TRIO: variants seen among roughly 807,000 people sequenced by gnomAD.
TRIO encodes triple functional domain protein.
TRIO carries 58 observed loss-of-function variants against 351.9 expected under a neutral mutation model. The ratio of observed to expected loss-of-function variants is 0.16; its 90% CI spans 0.13 to 0.21. The LOEUF is 0.21. Ranked by LOEUF, TRIO falls within the 10% of genes least tolerant of loss-of-function variation. The pLI, the probability that TRIO is intolerant of heterozygous loss-of-function variation, is 1.00. For missense variants in TRIO, 3,201 were observed against 4,027.8 expected (o/e 0.79, Z 5.56); for synonymous variants, 1,758 against 1,595.7 (o/e 1.10, Z -2.42).
At chr5:14,471,199 T>G (rs1754656349) in intron 37 of TRIO, 119 bp from the exon 38 acceptor site, 2 of 1,307,760 alleles carry the variant, frequency 1.5e-6, no homozygotes, top group Non-Finnish European at 2.0e-6. Flanking sequence ...AAACAAAGAT[T>G]TTATAATTTC....
chr5:14,504,695 G>A, intron 55 of TRIO, 102 bp downstream of exon 55: 1 of 1,423,840 alleles, frequency 7.0e-7, no homozygotes, highest in Non-Finnish European at 9.5e-7. Flanking sequence ...AATTGGGTTT[G>A]TAGAATTTAC....
At position 14,498,111 on chromosome 5, in the gene TRIO, A is replaced by G. The variant is rs978643887; in HGVS notation, c.8070A>G (p.Pro2690=). Residue 2690 remains proline (P), a synonymous_variant, in exon 52 of 57, where the codon CCA becomes CCG. Coordinates refer to ENST00000344204, the MANE Select transcript of TRIO (RefSeq NM_007118.4). ...IYDVPPEFVI[P]LSEVTCETGE... ...CAGTTCCCCCAGAATTCGTCATTCCATTGAGTGAGGTCACGTGTGAGACAG... is the reference window on the plus strand; with the variant it reads ...CAGTTCCCCCAGAATTCGTCATTCCGTTGAGTGAGGTCACGTGTGAGACAG... 4.3e-6 allele frequency: 7 copies of G among 1,614,002 alleles called. No individual in the cohort carries two copies. In the East Asian group the frequency reaches 6.7e-5, roughly 15 times the overall value.
At chr5:14,185,751 C>A (rs376369460) in intron 1 of TRIO, among the ~76,000 whole-genome samples, 2 of 152,322 alleles carry the variant, frequency 1.3e-5, no homozygotes, top group East Asian at 1.9e-4. Context: ...GGGTTGATTT[C>A]TCTCATTTGT....
chr5:14,204,789 T>C (rs1322001376), intron 1 of TRIO, among the ~76,000 whole-genome samples: 1 of 152,208 alleles, frequency 6.6e-6, no homozygotes, highest in Non-Finnish European at 1.5e-5. Flanking sequence ...GGCAAGTGCC[T>C]TCCCCTCTTT....
chr5:14,231,156 C>T (rs1286470274), intron 1 of TRIO, among the ~76,000 whole-genome samples: 2 of 152,186 alleles, frequency 1.3e-5, no homozygotes, highest in Non-Finnish European at 2.9e-5. Flanking sequence ...CTTGTGACCC[C>T]GTTATACTCA....
intron 1 of TRIO, among the ~76,000 whole-genome samples, chr5:14,239,594 G>GGCAGCAC (rs1794005381): frequency 6.6e-6 from 1 of 152,158 alleles, no homozygotes. Context: ...CACTTTACAG[G>GGCAGCAC]TAGGGATTCT....
At chr5:14,502,140 A>T (rs909069600) in intron 53 of TRIO, among the ~76,000 whole-genome samples, 2 of 152,114 alleles carry the variant, frequency 1.3e-5, no homozygotes, top group East Asian at 3.9e-4. Context: ...AGGCGTGGGG[A>T]GGAGAGAGCA....
At chr5:14,423,923 A>AT (rs1750395811) in intron 34 of TRIO, among the ~76,000 whole-genome samples, 1 of 133,590 alleles carries the variant, frequency 7.5e-6, no homozygotes, top group African/African-American at 3.4e-5. Flanking sequence ...GACCCCATGG[A>AT]ATTTTTTTTT....
At chr5:14,228,409 G>C (rs1230051664) in intron 1 of TRIO, among the ~76,000 whole-genome samples, 1 of 152,216 alleles carries the variant, frequency 6.6e-6, no homozygotes, top group East Asian at 1.9e-4. Flanking sequence ...GTGCGTATTA[G>C]GAATCAGAGG....
intron 1 of TRIO, among the ~76,000 whole-genome samples, chr5:14,224,285 T>C (rs1298986613): frequency 1.3e-5 from 2 of 152,112 alleles, no homozygotes; most frequent in Non-Finnish European, 2.9e-5. Flanking sequence ...TGCATTTGTC[T>C]TTTAAAAATA....
chr5:14,446,113 G>C (rs1752419950), intron 34 of TRIO, among the ~76,000 whole-genome samples: 1 of 152,176 alleles, frequency 6.6e-6, no homozygotes, highest in South Asian at 2.1e-4. Context: ...CGCTTGCTTT[G>C]TTCCTGCCTG....
intron 48 of TRIO, 184 bp downstream of exon 48, chr5:14,488,444 G>C: frequency 2.4e-6 from 2 of 821,250 alleles, no homozygotes; most frequent in Non-Finnish European, 3.7e-6. Context: ...ACTACTCCTT[G>C]CTTTGTTCGT....
intron 53 of TRIO, among the ~76,000 whole-genome samples, chr5:14,499,390 G>C (rs1183219680): frequency 2.0e-5 from 3 of 152,250 alleles, no homozygotes; most frequent in African/African-American, 7.2e-5. Context: ...GGTGTGGACT[G>C]TTCTCTGCTG....
chr5:14,176,954 A>T (rs1789442540), intron 1 of TRIO, among the ~76,000 whole-genome samples: 1 of 152,224 alleles, frequency 6.6e-6, no homozygotes, highest in African/African-American at 2.4e-5. Flanking sequence ...TAATAGATTC[A>T]TTTTAGAAAT....
intron 1 of TRIO, among the ~76,000 whole-genome samples, chr5:14,260,773 T>C (rs1170730624): frequency 6.6e-6 from 1 of 152,226 alleles, no homozygotes; most frequent in East Asian, 1.9e-4. Flanking sequence ...AGGGAAACTT[T>C]GGTATTTTAA....
At chr5:14,279,909 G>T (rs1346655868) in intron 2 of TRIO, among the ~76,000 whole-genome samples, 1 of 152,182 alleles carries the variant, frequency 6.6e-6, no homozygotes, top group African/African-American at 2.4e-5. Flanking sequence ...CTTGTTGATA[G>T]GAAAGAAAGA....
chr5:14,419,630 G>A (rs774486483), intron 33 of TRIO, 148 bp from the exon 34 acceptor site: 49 of 992,690 alleles, frequency 4.9e-5, no homozygotes, highest in Admixed American at 8.2e-5. Context: ...ATTTTCATAC[G>A]GAGAGTGCAG....
intron 4 of TRIO, 28 bp downstream of exon 4, chr5:14,287,091 C>T (rs914327200): frequency 1.2e-6 from 2 of 1,604,224 alleles, no homozygotes; most frequent in African/African-American, 2.7e-5. Context: ...GCTAGACCCA[C>T]TAAACAAGTT....
At chr5:14,196,809 A>G (rs1790802303) in intron 1 of TRIO, among the ~76,000 whole-genome samples, 2 of 152,356 alleles carry the variant, frequency 1.3e-5, no homozygotes, top group Non-Finnish European at 1.5e-5. Flanking sequence ...TCTAATGACC[A>G]GATACTGAAT....
Sources: allele counts gnomAD v4.1 joint callset (sites outside exome capture counted in the v4.1 genomes callset), GRCh38; gene constraint gnomAD v4.1.1; transcripts MANE v1.5; gene names NCBI Gene and HGNC (gene_info 2026-07-23, HGNC 2026-07-21).